The following NCBP2L variants were observed in gnomAD, a reference collection of about 807,000 sequenced individuals.
NCBP2L encodes nuclear cap-binding protein subunit 2-like.
For missense variants in NCBP2L, 95 were observed against 53.1 expected, an observed-to-expected ratio of 1.79 and a Z score of -2.45; for synonymous variants, 39 against 19.2, an observed-to-expected ratio of 2.04 and a Z score of -2.70.
At chrX:107,781,670 CTA>C (rs1315542707) in intron 1 of NCBP2L, among the ~76,000 whole-genome samples, 7 of 73,195 alleles carry the variant, frequency 9.6e-5, no homozygotes, top group Admixed American at 2.8e-4. Context: ...ATCTATCTAT[CTA>C]TCTATCTCTC....
At chrX:107,780,097 C>T (rs1022039859) in intron 1 of NCBP2L, among the ~76,000 whole-genome samples, 5 of 111,185 alleles carry the variant, frequency 4.5e-5, no homozygotes, top group African/African-American at 1.3e-4. Flanking sequence ...TGGCCCATGC[C>T]TATAATCCCA....
chrX:107,786,026 T>C (rs185012678), intron 1 of NCBP2L, among the ~76,000 whole-genome samples: 1 of 111,918 alleles, frequency 8.9e-6, no homozygotes, highest in Admixed American at 9.5e-5. Flanking sequence ...TTAATATCCT[T>C]CCAGAGGTAT....
chrX:107,783,045 C>T (rs1293449126), intron 1 of NCBP2L, among the ~76,000 whole-genome samples: 1 of 109,328 alleles, frequency 9.1e-6, no homozygotes, highest in Non-Finnish European at 1.9e-5. Context: ...TGGATAAAAA[C>T]TCATTTTTAT....
At chrX:107,784,017 G>T (rs1375194221) in intron 1 of NCBP2L, among the ~76,000 whole-genome samples, 1 of 110,930 alleles carries the variant, frequency 9.0e-6, no homozygotes, top group African/African-American at 3.3e-5. Context: ...AGATTGGAAG[G>T]GTAAAGGAAG....
At chrX:107,783,564 G>C (rs1354017636) in intron 1 of NCBP2L, among the ~76,000 whole-genome samples, 1 of 106,268 alleles carries the variant, frequency 9.4e-6, no homozygotes, top group Non-Finnish European at 1.9e-5. Context: ...GTAGAGACAG[G>C]GTTTCACCAT....
Position 107,795,553 on chromosome X carries a change from A to T in NCBP2L, c.*871A>T, listed in dbSNP as rs201538472. 3 of 112,236 alleles carry T rather than the reference A, an allele frequency of 2.7e-5. No individual in the cohort carries two copies. The highest frequency in any genetic ancestry group is 9.7e-5 in the African/African-American group (3 of 30,904). 9.2% of individuals were successfully genotyped at this position (112,236 alleles called of 1,213,427 possible). A position where few individuals can be genotyped will look rare whatever the true frequency, so the allele number is the denominator to read the frequency against. On this transcript the variant is annotated 3_prime_UTR_variant, in exon 2 of 2. Transcript: ENST00000509000. ...TTCAGTATAGTATTCAACAAATTGC[A>T]TGAGATACTTAACACTTTATTATAA...
At chrX:107,788,605 T>C (rs183528036) in intron 1 of NCBP2L, among the ~76,000 whole-genome samples, 9 of 112,478 alleles carry the variant, frequency 8.0e-5, no homozygotes, top group African/African-American at 2.9e-4. Context: ...TGGAACGTAG[T>C]GCTCGCTGTG....
intron 1 of NCBP2L, among the ~76,000 whole-genome samples, chrX:107,789,467 T>C (rs937967381): frequency 9.0e-6 from 1 of 111,389 alleles, no homozygotes; most frequent in African/African-American, 3.3e-5. Context: ...CTTTTATTGT[T>C]ATGGAATCTT....
intron 1 of NCBP2L, among the ~76,000 whole-genome samples, chrX:107,788,463 C>T: frequency 8.9e-6 from 1 of 112,596 alleles, no homozygotes; most frequent in Middle Eastern, 4.6e-3. Context: ...CTCCTTTAAC[C>T]ATCTCTTTGC....
intron 1 of NCBP2L, among the ~76,000 whole-genome samples, chrX:107,781,216 CTTTT>C (rs752190503): frequency 2.2e-5 from 2 of 89,847 alleles, no homozygotes; most frequent in African/African-American, 8.5e-5. Flanking sequence ...TGAAGGCCGG[CTTTT>C]TTTTTTTTTT....
intron 1 of NCBP2L, among the ~76,000 whole-genome samples, chrX:107,791,003 C>A (rs896866670): frequency 9.0e-6 from 1 of 111,448 alleles, no homozygotes; most frequent in Non-Finnish European, 1.9e-5. Context: ...GTTAAGTTGT[C>A]CATCTCCCCA....
intron 1 of NCBP2L, among the ~76,000 whole-genome samples, chrX:107,784,807 C>CAAA (rs10550955): frequency 7.4e-4 from 30 of 40,799 alleles, no homozygotes; most frequent in South Asian, 3.0e-3. Flanking sequence ...CCCATCTCCA[C>CAAA]AAAAAAAAAA....
chrX:107,781,087 C>T (rs1259326615), intron 1 of NCBP2L, among the ~76,000 whole-genome samples: 2 of 108,711 alleles, frequency 1.8e-5, no homozygotes, highest in Non-Finnish European at 3.8e-5. Flanking sequence ...CTACCACGCC[C>T]AGCTAAATTT....
At chrX:107,793,727 G>T (rs1374573640) in intron 1 of NCBP2L, among the ~76,000 whole-genome samples, 3 of 112,113 alleles carry the variant, frequency 2.7e-5, no homozygotes, top group African/African-American at 9.7e-5. Context: ...TTAAGAAAGA[G>T]TATGTCCAAA....
rs973066528 is a variant in NCBP2L, at chrX:107,794,989, G to A, written c.*307G>A. ...CAACTTCCCTTTTAAGAAGATTTCT[G>A]TTGGATTCTATGGCCATGTTCCTGC... On this transcript the variant is annotated 3_prime_UTR_variant, in exon 2 of 2. Coordinates refer to ENST00000509000, the MANE Select transcript of NCBP2L (RefSeq NM_001348372.2). The A allele has an allele frequency of 5.5e-5, 8 of 144,418 alleles. No individual in the cohort carries two copies. The highest frequency in any genetic ancestry group is 2.2e-4 in the African/African-American group (7 of 31,884). The allele number at this position is 144,418 out of a possible 1,213,427, so 11.9% of individuals were successfully genotyped here. A position where few individuals can be genotyped will look rare whatever the true frequency, so the allele number is the denominator to read the frequency against.
At chrX:107,782,312 A>T (rs868251855) in intron 1 of NCBP2L, among the ~76,000 whole-genome samples, 1 of 30,178 alleles carries the variant, frequency 3.3e-5, no homozygotes, top group South Asian at 1.7e-3. Flanking sequence ...TATATATATA[A>T]ATATATATAT....
intron 1 of NCBP2L, among the ~76,000 whole-genome samples, chrX:107,785,036 GGAAA>G (rs1191618842): frequency 1.3e-4 from 12 of 94,435 alleles, no homozygotes; most frequent in Admixed American, 2.5e-4. Flanking sequence ...AAGGAAGGAA[GGAAA>G]GAAAGAAAGA....
chrX:107,779,522 A>G (rs1930237572), intron 1 of NCBP2L, among the ~76,000 whole-genome samples: 1 of 111,617 alleles, frequency 9.0e-6, no homozygotes, highest in Non-Finnish European at 1.9e-5. Context: ...TCCACCTCCC[A>G]GGTTCAAGCG....
intron 1 of NCBP2L, among the ~76,000 whole-genome samples, chrX:107,781,706 A>AGATC (rs1930283592): frequency 1.3e-5 from 1 of 79,393 alleles, no homozygotes; most frequent in African/African-American, 6.2e-5. Flanking sequence ...ATATATATAT[A>AGATC]TATAGATCTA....
Sources: gnomAD v4.1 joint callset for allele counts (sites outside exome capture counted in the v4.1 genomes callset) on GRCh38, gnomAD v4.1.1 for gene constraint, MANE v1.5 for transcripts, NCBI Gene and HGNC (gene_info 2026-07-23, HGNC 2026-07-21) for gene names.